LCOR: variants seen among roughly 807,000 people sequenced by gnomAD.
LCOR encodes ligand dependent nuclear receptor corepressor.
In LCOR, 14 loss-of-function variants were observed where a neutral mutation model predicts 64.4. The ratio of observed to expected loss-of-function variants is 0.22; its 90% CI spans 0.14 to 0.34. The LOEUF (loss-of-function observed/expected upper bound fraction) is 0.34, where lower values mean the gene tolerates loss of function less well. Ranked by LOEUF, LCOR falls within the 10% of genes least tolerant of loss-of-function variation. The pLI is 1.00. For missense variants in LCOR, 1,686 were observed against 1,765.3 expected (o/e 0.96, Z 0.80); for synonymous variants, 643 against 642.5 (o/e 1.00, Z -0.01).
intron 2 of LCOR, among the ~76,000 whole-genome samples, chr10:96,871,018 G>C (rs1846063872): frequency 6.6e-6 from 1 of 152,162 alleles, no homozygotes; most frequent in African/African-American, 2.4e-5. Context: ...ACAATGAGTA[G>C]ATGTGAACCA....
chr10:96,954,475 A>T (rs943703308), intron 7 of LCOR, among the ~76,000 whole-genome samples: 1 of 151,216 alleles, frequency 6.6e-6, no homozygotes, highest in African/African-American at 2.4e-5. Flanking sequence ...ATATGGTTTC[A>T]GTTTTAACAC....
intron 2 of LCOR, among the ~76,000 whole-genome samples, chr10:96,834,438 G>C (rs1845405683): frequency 6.6e-6 from 1 of 152,088 alleles, no homozygotes; most frequent in Non-Finnish European, 1.5e-5. Context: ...ATCTCTGCTT[G>C]TTTTATTCTT....
intron 7 of LCOR, among the ~76,000 whole-genome samples, chr10:96,965,578 C>T (rs1847940653): frequency 1.4e-5 from 2 of 144,248 alleles, no homozygotes; most frequent in Admixed American, 7.2e-5. Context: ...AGGAGAATGG[C>T]GTGAACCCAG....
chr10:96,959,596 CTT>C (rs1847848586), intron 7 of LCOR: 1 of 152,016 alleles, frequency 6.6e-6, no homozygotes, highest in Non-Finnish European at 1.5e-5. Context: ...TAGTATATTA[CTT>C]TGTTCAGTGG....
At chr10:96,940,926 C>T (rs1255295444) in intron 4 of LCOR, among the ~76,000 whole-genome samples, 18 of 150,402 alleles carry the variant, frequency 1.2e-4, no homozygotes, top group Admixed American at 8.6e-4. Flanking sequence ...CCGGATGGGG[C>T]GGCTGGCCGG....
chr10:96,917,624 TG>T (rs1846977216), intron 4 of LCOR, among the ~76,000 whole-genome samples: 1 of 152,154 alleles, frequency 6.6e-6, no homozygotes, highest in Non-Finnish European at 1.5e-5. Context: ...GTGGTTGGTT[TG>T]GTAATTGTTT....
At chr10:96,858,279 C>G (rs952846726) in intron 2 of LCOR, among the ~76,000 whole-genome samples, 1 of 152,100 alleles carries the variant, frequency 6.6e-6, no homozygotes, top group African/African-American at 2.4e-5. Context: ...GTAATGCTTT[C>G]CTTTTTGTTC....
intron 7 of LCOR, chr10:96,957,905 C>T (rs1384845265): frequency 2.0e-6 from 2 of 986,066 alleles, no homozygotes; most frequent in Non-Finnish European, 2.4e-6. Context: ...ACAGAAAAAA[C>T]AGTTTGGGTT....
In LCOR at chr10:96,982,778, T is replaced by C. The variant is rs140721196; in HGVS notation, c.2318T>C (p.Leu773Ser). Reference sequence around the variant, plus strand: ...GAGGCAGCAGGTGGTATAGGAAAATTAGAGGGAGAGGACGGTGATGTAAAA... The same window carrying C: ...GAGGCAGCAGGTGGTATAGGAAAATCAGAGGGAGAGGACGGTGATGTAAAA... ...ESEAAGGIGKLEGEDGDVKCL... is the reference protein window; with the variant it reads ...ESEAAGGIGKSEGEDGDVKCL... The change falls in exon 8 of 8, where the codon TTA becomes TCA. Residue 773 changes from leucine (L) to serine (S), a missense_variant. Leu to Ser is a moderately radical substitution (Grantham distance 145, BLOSUM62 -2). Transcript: ENST00000421806. 32 of 1,613,830 alleles carry C rather than the reference T, an allele frequency of 2.0e-5. No homozygotes were observed. Among genetic ancestry groups the C allele is most frequent in the Non-Finnish European group, 2.6e-5 (31 of 1,179,996 alleles).
intron 2 of LCOR, among the ~76,000 whole-genome samples, chr10:96,901,341 G>A (rs1271368676): frequency 1.3e-5 from 2 of 152,116 alleles, no homozygotes; most frequent in African/African-American, 4.8e-5. Flanking sequence ...TACATGTTTA[G>A]CATTTACATT....
chr10:96,941,326 G>A (rs1298424433), intron 4 of LCOR, among the ~76,000 whole-genome samples: 98 of 138,430 alleles, frequency 7.1e-4, no homozygotes, highest in African/African-American at 2.5e-3. Context: ...GCGGCTGGCC[G>A]GGCAGAGGAG....
At chr10:96,941,137 C>A (rs1304044822) in intron 4 of LCOR, among the ~76,000 whole-genome samples, 7 of 135,584 alleles carry the variant, frequency 5.2e-5, no homozygotes, top group Admixed American at 7.0e-5. Flanking sequence ...TAGGGGCGGC[C>A]GGGCAGAGGC....
intron 7 of LCOR, chr10:96,956,068 A>C: frequency 2.8e-6 from 4 of 1,440,438 alleles, no homozygotes; most frequent in East Asian, 5.0e-5. Flanking sequence ...CAGAGATGAA[A>C]TGTGCATTCT....
intron 4 of LCOR, among the ~76,000 whole-genome samples, chr10:96,908,776 C>T (rs373396501): frequency 6.0e-5 from 9 of 151,254 alleles, no homozygotes; most frequent in East Asian, 3.9e-4. Context: ...AGTGCAGTGG[C>T]GCGATCTCTG....
chr10:96,860,276 T>TG (rs1845866347), intron 2 of LCOR, among the ~76,000 whole-genome samples: 1 of 152,074 alleles, frequency 6.6e-6, no homozygotes. Context: ...GTCTTTGCAG[T>TG]TAAAATTAAG....
chr10:96,928,997 G>T lies in LCOR; in HGVS notation c.-183-15116G>T, dbSNP rs574948803. On this transcript the variant is annotated intron_variant, in intron 4 of 7. Coordinates refer to ENST00000421806, the MANE Select transcript of LCOR (RefSeq NM_001346516.2). ...CTTAACTGGGGACTTAAAATATTCA[G>T]TAAACCATAATATAAACACATGTGT... is the stretch of plus-strand genomic sequence containing the variant. 3.9e-5 allele frequency among the ~76,000 whole-genome samples: 6 copies of T among 152,268 alleles called. No homozygotes were observed. The East Asian group carries it at 1.2e-3, about 29-fold the overall frequency.
intron 2 of LCOR, among the ~76,000 whole-genome samples, chr10:96,899,542 A>G (rs1463528128): frequency 3.9e-5 from 6 of 152,128 alleles, no homozygotes; most frequent in Admixed American, 1.3e-4. Context: ...CTCTCTAAAT[A>G]CAGATCTTAT....
At chr10:96,971,888 ACGTCTG>A (rs1848002304) in intron 7 of LCOR, among the ~76,000 whole-genome samples, 1 of 152,174 alleles carries the variant, frequency 6.6e-6, no homozygotes, top group African/African-American at 2.4e-5. Context: ...TATAACTCTT[ACGTCTG>A]CATGTGTGCC....
intron 1 of LCOR, chr10:96,832,930 A>G (rs948299825): frequency 2.5e-5 from 24 of 943,842 alleles, no homozygotes; most frequent in Middle Eastern, 1.1e-3. Context: ...GGCGGGCTGC[A>G]GGCGGGCGCC....
Sources: allele counts gnomAD v4.1 joint callset (sites outside exome capture counted in the v4.1 genomes callset), GRCh38; gene constraint gnomAD v4.1.1; transcripts MANE v1.5; gene names NCBI Gene and HGNC (gene_info 2026-07-23, HGNC 2026-07-21).